The following RALGDS variants were observed in gnomAD, a reference collection of about 807,000 sequenced individuals.
The protein encoded by RALGDS is ral guanine nucleotide dissociation stimulator, also known as ral guanine nucleotide exchange factor.
RALGDS carries 44 observed loss-of-function variants against 99.8 expected under a neutral mutation model. The observed-to-expected ratio is 0.44, with a 90% CI of 0.35 to 0.57. RALGDS has a LOEUF of 0.57. Among genes scored for constraint, RALGDS ranks in the 20% least tolerant of loss-of-function variants. The probability of loss-of-function intolerance (pLI) is 0.01; values close to 1 mark genes in which losing one functional copy is unlikely to be tolerated. For missense variants in RALGDS, 1,022 were observed against 1,203.1 expected, an observed-to-expected ratio of 0.85 and a Z score of 2.23; for synonymous variants, 529 against 505.0, an observed-to-expected ratio of 1.05 and a Z score of -0.64.
chr9:133,141,822 GAC>G (rs1832528608), intron 1 of RALGDS, among the ~76,000 whole-genome samples: 1 of 152,250 alleles, frequency 6.6e-6, no homozygotes, highest in Non-Finnish European at 1.5e-5. Flanking sequence ...AGCGAGAAGG[GAC>G]ACACTAAGGT....
chr9:133,100,925 A>G, intron 16 of RALGDS: 3 of 1,043,530 alleles, frequency 2.9e-6, no homozygotes, highest in Non-Finnish European at 3.5e-6. Context: ...TGTGTGAATA[A>G]TGGGGCACCT....
At position 133,109,660 on chromosome 9, in the gene RALGDS, C is replaced by T. The variant is rs756045391; in HGVS notation, c.550G>A (p.Asp184Asn). The T allele has an allele frequency of 1.2e-5, 20 of 1,613,790 alleles. No homozygotes were observed. The highest frequency in any genetic ancestry group is 5.0e-5 in the Admixed American group (3 of 60,002). ...SRYGCILPYSDEDGGPQDQLK... is the reference protein window; with the variant it reads ...SRYGCILPYSNEDGGPQDQLK... ...TGGTCCTGGGGTCCACCATCCTCGT[C>T]GGAATAGGGGAGGATGCAGCCGTAT... The change falls in exon 4 of 18, where the codon GAC (aspartate) becomes AAC (asparagine). Residue 184 changes from aspartate to asparagine, a missense_variant. Asp to Asn is a conservative substitution (Grantham distance 23). This residue lies in a region of RALGDS where 825 missense variants were observed against 994.5 expected (regional missense o/e 0.83). Transcript: ENST00000372050.
At chr9:133,106,136 AC>A in intron 8 of RALGDS, 120 bp from the exon 9 acceptor site, 1 of 752,870 alleles carries the variant, frequency 1.3e-6, no homozygotes, top group Non-Finnish European at 2.3e-6. Context: ...CACACAGGGT[AC>A]CCCAGAGCAC....
intron 1 of RALGDS, chr9:133,130,926 G>A: frequency 6.6e-7 from 1 of 1,522,622 alleles, no homozygotes; most frequent in Non-Finnish European, 8.8e-7. Flanking sequence ...GAAGTCAGAG[G>A]CCAAGAGTCT....
chr9:133,117,401 C>CA (rs1169663542), intron 1 of RALGDS, among the ~76,000 whole-genome samples: 1 of 152,194 alleles, frequency 6.6e-6, no homozygotes, highest in Non-Finnish European at 1.5e-5. Flanking sequence ...TTGAGATGGA[C>CA]AAAAGTCTCC....
intron 9 of RALGDS, among the ~76,000 whole-genome samples, chr9:133,105,402 G>A (rs908030655): frequency 3.9e-5 from 6 of 152,122 alleles, no homozygotes; most frequent in Admixed American, 2.6e-4. Flanking sequence ...GTCTCTTCTC[G>A]GGGCAGGGTA....
intron 1 of RALGDS, among the ~76,000 whole-genome samples, chr9:133,115,588 G>A (rs1332014562): frequency 6.6e-6 from 1 of 152,152 alleles, no homozygotes; most frequent in Admixed American, 6.5e-5. Context: ...CCTGGCCCTC[G>A]GCCTTGGTGT....
chr9:133,134,244 G>A (rs1161480591), upstream of RALGDS, among the ~76,000 whole-genome samples: 2 of 152,196 alleles, frequency 1.3e-5, no homozygotes, highest in Non-Finnish European at 2.9e-5. Context: ...CTTTGGCTCT[G>A]ACTAGGAGAC....
chr9:133,102,433 G>GC, intron 14 of RALGDS, 43 bp downstream of exon 14: 1 of 1,583,192 alleles, frequency 6.3e-7, no homozygotes, highest in Non-Finnish European at 8.7e-7. Context: ...AAGCTTCTGA[G>GC]CCCCAAGGCA....
rs1423527898 is a variant in RALGDS at position 133,121,126 on chromosome 9, G to C, written c.29C>G (p.Ala10Gly). Reference protein sequence around the residue: MVQRMWAEAAGPAGGAEPLF... With the variant: MVQRMWAEAGGPAGGAEPLF... The stretch of plus-strand genomic sequence containing the variant: ...CGGCTCGGCGCCGCCAGCAGGCCCG[G>C]CCGCCTCGGCCCACATGCGCTGCAC... Residue 10 changes from alanine to glycine, a missense_variant, in exon 1 of 18, where the codon GCC (alanine) becomes GGC (glycine). Ala to Gly is a moderately conservative substitution (Grantham distance 60). This residue lies in a region of RALGDS where 180 missense variants were observed against 169.3 expected (regional missense o/e 1.06). Transcript: ENST00000372050. The C allele has an allele frequency of 1.4e-6, 2 of 1,455,380 alleles. No homozygotes were observed. Among genetic ancestry groups the C allele is most frequent in the African/African-American group, 3.0e-5 (2 of 67,228 alleles). The allele number at this position is 1,455,380 out of a possible 1,614,324, so 90.2% of individuals were successfully genotyped here.
intron 1 of RALGDS, chr9:133,129,194 G>A (rs755755964): frequency 5.6e-6 from 9 of 1,597,320 alleles, no homozygotes; most frequent in Admixed American, 1.7e-5. Context: ...GCTTTGGAGA[G>A]CGGCACGACG....
intron 1 of RALGDS, among the ~76,000 whole-genome samples, chr9:133,114,515 G>C (rs920221715): frequency 6.6e-6 from 1 of 152,190 alleles, no homozygotes; most frequent in African/African-American, 2.4e-5. Context: ...ACCCTCTGCA[G>C]CAAGAAAGGC....
At chr9:133,123,767 C>T (rs866562111), upstream of RALGDS, among the ~76,000 whole-genome samples, 4 of 115,956 alleles carry the variant, frequency 3.4e-5, 1 homozygote, top group Non-Finnish European at 7.6e-5. Context: ...CACACACACA[C>T]ACAGAGACAC....
At chr9:133,122,484 TC>T (rs1831987106), upstream of RALGDS, among the ~76,000 whole-genome samples, 1 of 152,096 alleles carries the variant, frequency 6.6e-6, no homozygotes, top group Non-Finnish European at 1.5e-5. Flanking sequence ...CTTGCCCCCT[TC>T]CCAAGTGCCA....
chr9:133,102,955 G>C, intron 12 of RALGDS, 55 bp from the exon 13 acceptor site: 2 of 1,605,296 alleles, frequency 1.2e-6, no homozygotes, highest in Non-Finnish European at 1.7e-6. Flanking sequence ...CAGCACAGGG[G>C]CCAGTCTCTG....
At chr9:133,149,148 G>C (rs1832673688) in exon 1 of RALGDS, 1 of 187,748 alleles carries the variant, frequency 5.3e-6, no homozygotes, top group Non-Finnish European at 9.9e-6. Flanking sequence ...GGCCGCCCCG[G>C]CAGCCGCCAG....
chr9:133,112,503 TGA>T (rs1396448369), intron 1 of RALGDS, among the ~76,000 whole-genome samples: 1 of 152,162 alleles, frequency 6.6e-6, no homozygotes. Context: ...AAATGGAGGC[TGA>T]GAGAGGAACA....
intron 1 of RALGDS, among the ~76,000 whole-genome samples, chr9:133,112,702 A>G (rs1279004826): frequency 1.3e-5 from 2 of 152,130 alleles, no homozygotes; most frequent in Non-Finnish European, 2.9e-5. Flanking sequence ...TGGCTGACCT[A>G]GCAGGAACGC....
intron 16 of RALGDS, chr9:133,100,819 C>G: frequency 9.3e-7 from 1 of 1,079,330 alleles, no homozygotes; most frequent in Non-Finnish European, 1.1e-6. Flanking sequence ...TACCTTGACC[C>G]TGAGGGCCAG....
Sources: allele counts gnomAD v4.1 joint callset (sites outside exome capture counted in the v4.1 genomes callset), GRCh38; gene constraint gnomAD v4.1.1; regional missense constraint gnomAD v4.1.1; transcripts MANE v1.5; gene names NCBI Gene and HGNC (gene_info 2026-07-23, HGNC 2026-07-21).